Variants in RASGRP1 observed in about 807,000 individuals in gnomAD.
The protein encoded by RASGRP1 is RAS guanyl releasing protein 1.
In RASGRP1, 37 loss-of-function variants were observed where a neutral mutation model predicts 95.1. The observed-to-expected ratio is 0.39, with a 90% CI of 0.30 to 0.51. The LOEUF is 0.51. Among genes scored for constraint, RASGRP1 ranks in the 20% least tolerant of loss-of-function variants. The pLI is 0.80. For synonymous variants in RASGRP1, 325 were observed against 353.4 expected, an observed-to-expected ratio of 0.92 and a Z score of 0.90; for missense variants, 711 against 965.4, an observed-to-expected ratio of 0.74 and a Z score of 3.49.
At chr15:38,499,085 A>C in intron 14 of RASGRP1, 139 bp from the exon 15 acceptor site, 2 of 1,158,908 alleles carry the variant, frequency 1.7e-6, no homozygotes, top group Non-Finnish European at 2.6e-6. Flanking sequence ...TAACATTCCT[A>C]ATGAAGCTAG....
intron 16 of RASGRP1, among the ~76,000 whole-genome samples, chr15:38,491,412 C>T (rs1890574413): frequency 6.6e-6 from 1 of 152,176 alleles, no homozygotes; most frequent in Admixed American, 6.5e-5. Flanking sequence ...ACATAATGGA[C>T]TGCCTTAACC....
At chr15:38,500,269 CAT>C (rs1242907331) in intron 13 of RASGRP1, 130 bp from the exon 14 acceptor site, 6 of 855,014 alleles carry the variant, frequency 7.0e-6, no homozygotes. Context: ...ATTTATCTCT[CAT>C]GTCTTGTCCC....
At chr15:38,501,724 G>A (rs969435550) in intron 12 of RASGRP1, among the ~76,000 whole-genome samples, 1 of 152,184 alleles carries the variant, frequency 6.6e-6, no homozygotes, top group African/African-American at 2.4e-5. Flanking sequence ...AAGTAAAAAT[G>A]CAAAGTATGA....
intron 2 of RASGRP1, among the ~76,000 whole-genome samples, chr15:38,558,796 C>A (rs1893681849): frequency 6.6e-6 from 1 of 152,188 alleles, no homozygotes; most frequent in Non-Finnish European, 1.5e-5. Flanking sequence ...TCAAGTATTT[C>A]CCAATTCTAT....
At chr15:38,524,626 C>T (rs185522223) in intron 3 of RASGRP1, among the ~76,000 whole-genome samples, 1 of 152,236 alleles carries the variant, frequency 6.6e-6, no homozygotes, top group Admixed American at 6.5e-5. Context: ...TACTGGGGGC[C>T]AACTTCACAC....
At chr15:38,552,601 T>C (rs1202421095) in intron 2 of RASGRP1, among the ~76,000 whole-genome samples, 1 of 152,218 alleles carries the variant, frequency 6.6e-6, no homozygotes, top group Non-Finnish European at 1.5e-5. Flanking sequence ...TTGTACCAGG[T>C]AGACATAACA....
At chr15:38,512,741 T>TA (rs1285304517) in intron 7 of RASGRP1, 42 bp downstream of exon 7, 8 of 1,608,416 alleles carry the variant, frequency 5.0e-6, no homozygotes, top group Non-Finnish European at 6.8e-6. Flanking sequence ...ATAGAAAGTT[T>TA]ACCTTATAGC....
At position 38,564,307 on chromosome 15, in the gene RASGRP1, G is replaced by A. The variant is rs1052852922; in HGVS notation, c.35+287C>T. Among the ~76,000 whole-genome samples, 6 of 152,126 alleles carry A rather than the reference G, an allele frequency of 3.9e-5. No homozygotes were observed. The East Asian group carries it at 1.2e-3, about 30-fold the overall frequency. On this transcript the variant is annotated intron_variant, in intron 1 of 16. Transcript: ENST00000310803. Reference sequence around the variant, plus strand: ...TGGGGGAGGAAGTCGGCGGGCGGGCGCCGGCTCCGCGAAGAGCTTCGGCCC... The same window carrying A: ...TGGGGGAGGAAGTCGGCGGGCGGGCACCGGCTCCGCGAAGAGCTTCGGCCC...
At position 38,490,522 on chromosome 15, in the gene RASGRP1, T is replaced by G. The variant is rs571783928; in HGVS notation, c.*32A>C. On this transcript the variant is annotated 3_prime_UTR_variant, in exon 17 of 17. Transcript: ENST00000310803. ...AGTTTAGGAAATGAGATCACTATACTCATCTACAGATTGTGCTACTTAGTT... is the reference window on the plus strand; with the variant it reads ...AGTTTAGGAAATGAGATCACTATACGCATCTACAGATTGTGCTACTTAGTT... The G allele has an allele frequency of 6.2e-7, 1 of 1,603,580 alleles. No individual in the cohort carries two copies. The highest frequency in any genetic ancestry group is 1.7e-5 in the Admixed American group (1 of 58,828).
chr15:38,527,040 AT>A (rs1892251194), intron 2 of RASGRP1, among the ~76,000 whole-genome samples: 1 of 152,250 alleles, frequency 6.6e-6, no homozygotes, highest in Non-Finnish European at 1.5e-5. Flanking sequence ...ATTAAAGAAC[AT>A]GGTTAGCTAG....
At chr15:38,538,989 G>A (rs1309884464) in intron 2 of RASGRP1, among the ~76,000 whole-genome samples, 2 of 152,120 alleles carry the variant, frequency 1.3e-5, no homozygotes, top group Non-Finnish European at 2.9e-5. Context: ...TTTTATGAAT[G>A]ACCACTCTCC....
At chr15:38,513,307 A>C (rs1595843921) in intron 6 of RASGRP1, among the ~76,000 whole-genome samples, 1 of 152,220 alleles carries the variant, frequency 6.6e-6, no homozygotes, top group East Asian at 1.9e-4. Flanking sequence ...TATTGCTGCT[A>C]AGGTTAAGGG....
chr15:38,507,601 GATAGTA>G, intron 9 of RASGRP1, 119 bp downstream of exon 9: 1 of 1,094,346 alleles, frequency 9.1e-7, no homozygotes, highest in African/African-American at 1.6e-5. Flanking sequence ...ATATGTTGGA[GATAGTA>G]ATAGGATCTG....
At chr15:38,491,291 A>T (rs1296552216) in intron 16 of RASGRP1, among the ~76,000 whole-genome samples, 1 of 152,282 alleles carries the variant, frequency 6.6e-6, no homozygotes, top group South Asian at 2.1e-4. Flanking sequence ...ATATATAGAC[A>T]GTGTCTGGGT....
intron 2 of RASGRP1, among the ~76,000 whole-genome samples, chr15:38,542,904 T>TATACACATATATGTGTATATATAC (rs1555403812): frequency 1.4e-5 from 2 of 141,320 alleles, no homozygotes; most frequent in Non-Finnish European, 3.1e-5. Flanking sequence ...TGTATATATA[T>TATACACATATATGTGTATATATAC]ACACATATAT....
rs1240608201 is a variant in RASGRP1, at chr15:38,501,039, C to T, written c.1683+104G>A. ...GTTATTCTAGGTGTCTGTCTGGGCT[C>T]CAAGCTGGGATGGGTTCATAAGGAT... On this transcript the variant is annotated intron_variant, in intron 13 of 16. Coordinates refer to ENST00000310803, the MANE Select transcript of RASGRP1 (RefSeq NM_005739.4). 7 of 1,328,716 alleles carry T rather than the reference C, an allele frequency of 5.3e-6. No homozygotes were observed. The African/African-American group carries it at 8.8e-5, about 17-fold the overall frequency. The allele number at this position is 1,328,716 out of a possible 1,614,324, so 82.3% of individuals were successfully genotyped here.
At chr15:38,497,380 C>T (rs554212817) in intron 15 of RASGRP1, among the ~76,000 whole-genome samples, 11 of 149,108 alleles carry the variant, frequency 7.4e-5, no homozygotes, top group Admixed American at 6.0e-4. Flanking sequence ...TTACCTAAAT[C>T]GCCTTAACAC....
intron 2 of RASGRP1, among the ~76,000 whole-genome samples, chr15:38,542,350 A>C (rs746549551): frequency 6.6e-6 from 1 of 152,058 alleles, no homozygotes; most frequent in Non-Finnish European, 1.5e-5. Context: ...TAAACAAAAC[A>C]ACAAACAAAA....
chr15:38,544,613 G>C (rs1893038629), intron 2 of RASGRP1, among the ~76,000 whole-genome samples: 1 of 152,202 alleles, frequency 6.6e-6, no homozygotes, highest in South Asian at 2.1e-4. Context: ...CTTCTGCCAT[G>C]TTATGACATA....
Sources: gnomAD v4.1 joint callset for allele counts (sites outside exome capture counted in the v4.1 genomes callset) on GRCh38, gnomAD v4.1.1 for gene constraint, MANE v1.5 for transcripts, NCBI Gene and HGNC (gene_info 2026-07-23, HGNC 2026-07-21) for gene names.